STAG3: variants seen among roughly 807,000 people sequenced by gnomAD.
STAG3 encodes STAG3 cohesin complex component.
STAG3 carries 101 observed loss-of-function variants against 160.7 expected under a neutral mutation model. That is an observed-to-expected ratio of 0.63 (90% CI 0.54 to 0.74). The LOEUF is 0.74. Among genes scored for constraint, STAG3 ranks in the 30% least tolerant of loss-of-function variants. The pLI is 0.00. For missense variants in STAG3, 1,188 were observed against 1,517.4 expected (o/e 0.78, Z 3.61); for synonymous variants, 519 against 585.0 (o/e 0.89, Z 1.63).
intron 4 of STAG3, among the ~76,000 whole-genome samples, chr7:100,185,675 G>A (rs1478437879): frequency 6.6e-6 from 1 of 151,622 alleles, no homozygotes; most frequent in Non-Finnish European, 1.5e-5. Flanking sequence ...TGTGAATCTT[G>A]ATTGCAAATC....
intron 18 of STAG3, 80 bp downstream of exon 18, chr7:100,200,622 A>G: frequency 1.9e-6 from 3 of 1,556,994 alleles, no homozygotes; most frequent in Non-Finnish European, 2.6e-6. Flanking sequence ...TTTTTTCCTA[A>G]GAACTTGGGT....
rs1470155998 is a variant in STAG3 at position 100,213,736 on chromosome 7, A to C, written c.3602A>C (p.Gln1201Pro). Residue 1201 changes from glutamine to proline, a missense_variant and splice_region_variant, in exon 33 of 34, where the codon CAA becomes CCA. Physicochemically the swap from Gln to Pro is moderately conservative, Grantham distance 76. Transcript: ENST00000615138. Reference sequence around the variant, plus strand: ...GACTTTTAACCTCATTCTCTCTAGCAAGCAAGTAGCTACTCTTCCACCAGT... The same window carrying C: ...GACTTTTAACCTCATTCTCTCTAGCCAGCAAGTAGCTACTCTTCCACCAGT... ...SNEERQDTDMQASSYSSTSER... is the reference protein window; with the variant it reads ...SNEERQDTDMPASSYSSTSER... 6.2e-7 allele frequency: 1 copy of C among 1,614,228 alleles called. No homozygotes were observed. The highest frequency in any genetic ancestry group is 1.3e-5 in the African/African-American group (1 of 75,060).
At chr7:100,216,765 C>T (rs1182600469), downstream of STAG3, among the ~76,000 whole-genome samples, 1 of 150,582 alleles carries the variant, frequency 6.6e-6, no homozygotes, top group Non-Finnish European at 1.5e-5. Flanking sequence ...AGCAAGACTC[C>T]GTTTCAAAAA....
downstream of STAG3, among the ~76,000 whole-genome samples, chr7:100,217,409 G>A (rs1802854667): frequency 6.6e-6 from 1 of 152,258 alleles, no homozygotes; most frequent in Non-Finnish European, 1.5e-5. Context: ...TGCCCAGCCT[G>A]GTAAGTGATG....
rs560843443 is a variant in STAG3 at position 100,202,227 on chromosome 7, G to T, written c.2450G>T (p.Gly817Val). 6.2e-7 allele frequency: 1 copy of T among 1,614,044 alleles called. No homozygotes were observed. The highest frequency in any genetic ancestry group is 2.2e-5 in the East Asian group (1 of 44,878). The part of the protein sequence containing the change: ...LLIFSPQMIV[G>V]GRDFLRPLVF... ...ATCTTTAGCCCTCAGATGATTGTTG[G>T]GGGCCGTGATTTCCTTAGGCCACTT... The change falls in exon 24 of 34, where the codon GGG becomes GTG. Residue 817 changes from glycine (G) to valine (V), a missense_variant. By Grantham distance (109) the Gly-to-Val change is moderately radical. This residue lies in a region of STAG3 where 647 missense variants were observed against 717.2 expected (regional missense o/e 0.90). Transcript: ENST00000615138.
chr7:100,180,716 C>G, intron 2 of STAG3, 44 bp downstream of exon 2: 1 of 1,198,028 alleles, frequency 8.3e-7, no homozygotes. Flanking sequence ...GTGTCCCTGG[C>G]AGCCTTCCCC....
chr7:100,192,896 AG>A (rs1800427687), intron 8 of STAG3, among the ~76,000 whole-genome samples: 1 of 152,226 alleles, frequency 6.6e-6, no homozygotes, highest in Non-Finnish European at 1.5e-5. Flanking sequence ...TAACCCCAGG[AG>A]GTTTTAAATG....
intron 3 of STAG3, 117 bp from the exon 4 acceptor site, chr7:100,182,606 C>G: frequency 1.0e-6 from 1 of 986,934 alleles, no homozygotes. Flanking sequence ...AACTCAGACT[C>G]TGCTGTGGAA....
chr7:100,186,296 G>A lies in STAG3; in HGVS notation c.433G>A (p.Gly145Ser). The change falls in exon 5 of 34, where the codon GGC becomes AGC. Residue 145 changes from glycine to serine, a missense_variant and splice_region_variant. Gly to Ser is a moderately conservative substitution (Grantham distance 56). This residue lies in a region of STAG3 where 296 missense variants were observed against 404.0 expected (regional missense o/e 0.73). Transcript: ENST00000615138. ...TTTCATCCAATCTTGCGGATGTAAA[G>A]GTGAGGAAACTGCTCCCCCTTTCTA... ...NFFIQSCGCK[G>S]IVTPEMFKKM... 1 of 1,613,542 alleles carries A rather than the reference G, an allele frequency of 6.2e-7. No homozygotes were observed. Among genetic ancestry groups the A allele is most frequent in the South Asian group, 1.1e-5 (1 of 91,058 alleles).
intron 25 of STAG3, among the ~76,000 whole-genome samples, chr7:100,203,600 C>T (rs188898781): frequency 4.6e-5 from 7 of 151,830 alleles, no homozygotes; most frequent in African/African-American, 1.7e-4. Context: ...CTACAAGGTC[C>T]GGCTCCTGGG....
intron 8 of STAG3, among the ~76,000 whole-genome samples, chr7:100,190,849 TA>T (rs1446419430): frequency 3.3e-5 from 5 of 152,352 alleles, no homozygotes; most frequent in African/African-American, 1.2e-4. Context: ...TCCTAATTCC[TA>T]AAGCCAGTAG....
rs1799746756 is a variant in STAG3, at chr7:100,182,970, G to T, written c.336+131G>T. ...ATGTCAAGAAAGATAAGGTTATGGG[G>T]TGAATCCTTGGAGTGATAGAAGGGT... On this transcript the variant is annotated intron_variant, in intron 4 of 33. Transcript: ENST00000615138. 15 of 1,063,262 alleles carry T rather than the reference G, an allele frequency of 1.4e-5. No individual in the cohort carries two copies. In the South Asian group the frequency reaches 2.0e-4, roughly 14 times the overall value. 65.9% of individuals were successfully genotyped at this position (1,063,262 alleles called of 1,614,324 possible).
At chr7:100,208,242 A>G (rs1374014774) in intron 29 of STAG3, among the ~76,000 whole-genome samples, 1 of 152,200 alleles carries the variant, frequency 6.6e-6, no homozygotes, top group Non-Finnish European at 1.5e-5. Context: ...ACCACCTAAA[A>G]TTATGTCTTA....
At chr7:100,199,389 G>A in intron 15 of STAG3, 22 bp downstream of exon 15, 1 of 1,604,338 alleles carries the variant, frequency 6.2e-7, no homozygotes, top group Non-Finnish European at 8.5e-7. Context: ...ACGGAGCCAG[G>A]GACAGGGACC....
rs764841861 is a variant in STAG3 at position 100,204,096 on chromosome 7, C to T, written c.2776C>T (p.Arg926Ter). 6.5e-5 allele frequency: 105 copies of T among 1,613,914 alleles called. No individual in the cohort carries two copies. Among genetic ancestry groups the T allele is most frequent in the Non-Finnish European group, 8.5e-5 (100 of 1,180,020 alleles). Residue 926 changes from arginine to a stop codon, truncating the protein, a stop_gained, in exon 26 of 34, where the codon CGA becomes TGA. Coordinates refer to ENST00000615138, the MANE Select transcript of STAG3 (RefSeq NM_001282717.2). LOFTEE classifies it high-confidence loss of function. Reference sequence around the variant, plus strand: ...GCAGATTGACCGAAGTCATTGTTCCCGAATCCTGCTGCTGAGCCTCAAGCA... The same window carrying T: ...GCAGATTGACCGAAGTCATTGTTCCTGAATCCTGCTGCTGAGCCTCAAGCA... ...ARQIDRSHCS[R>*]ILLLSLKQLY... is the part of the protein sequence containing the mutation.
Position 100,188,886 on chromosome 7 carries a change from G to T in STAG3, c.585G>T (p.Val195=). ...KKFQGSFCEF[V]RTLVCQCQYS... The stretch of plus-strand genomic sequence containing the variant: ...TCCAGGGCAGCTTCTGTGAATTTGT[G>T]AGGACATTGGTCTGTCAGTGCCAGT... The change falls in exon 7 of 34, where the codon GTG becomes GTT. Residue 195 remains valine (V), a synonymous_variant. Coordinates refer to ENST00000615138, the MANE Select transcript of STAG3 (RefSeq NM_001282717.2). 1 of 1,614,114 alleles carries T rather than the reference G, an allele frequency of 6.2e-7. No homozygotes were observed. Among genetic ancestry groups the T allele is most frequent in the Non-Finnish European group, 8.5e-7 (1 of 1,180,026 alleles).
chr7:100,197,530 T>C, intron 10 of STAG3: 1 of 648,232 alleles, frequency 1.5e-6, no homozygotes, highest in Non-Finnish European at 2.8e-6. Context: ...AAGAGAGTTA[T>C]TGATGGATGG....
At chr7:100,191,212 A>G (rs1379118494) in intron 8 of STAG3, among the ~76,000 whole-genome samples, 1 of 152,054 alleles carries the variant, frequency 6.6e-6, no homozygotes, top group African/African-American at 2.4e-5. Context: ...CTCCCCCAGC[A>G]AGTTGTGGCA....
rs1239829484 is a variant in STAG3, at chr7:100,213,786, T to A, written c.3652T>A (p.Ser1218Thr). 1.2e-6 allele frequency: 2 copies of A among 1,614,202 alleles called. No homozygotes were observed. The highest frequency in any genetic ancestry group is 1.7e-5 in the Admixed American group (1 of 60,024). ...TGAGCGCGGGCTGGACCTCTTAGAT[T>A]CTACAGAGCTGGATATTGAGGTGAG... ...TSERGLDLLD[S>T]TELDIEDF Residue 1218 changes from serine to threonine, a missense_variant, in exon 33 of 34, where the codon TCT becomes ACT. This residue lies in a region of STAG3 where 647 missense variants were observed against 717.2 expected (regional missense o/e 0.90). Transcript: ENST00000615138.
Sources: gnomAD v4.1 joint callset for allele counts (sites outside exome capture counted in the v4.1 genomes callset) on GRCh38, gnomAD v4.1.1 for gene constraint, gnomAD v4.1.1 regional missense constraint, MANE v1.5 for transcripts, NCBI Gene and HGNC (gene_info 2026-07-23, HGNC 2026-07-21) for gene names.